Variants in KIFBP observed in about 807,000 individuals in gnomAD.
KIFBP encodes the protein KIF-binding protein.
In KIFBP, 46 loss-of-function variants were observed where a neutral mutation model predicts 58.9. The observed-to-expected ratio is 0.78, with a 90% confidence interval of 0.62 to 1.00. The LOEUF (loss-of-function observed/expected upper bound fraction) is 1.00, where lower values mean the gene tolerates loss of function less well. Among genes scored for constraint, KIFBP ranks in the 50% least tolerant of loss-of-function variants. The probability of loss-of-function intolerance (pLI) is 0.00; values close to 1 mark genes in which losing one functional copy is unlikely to be tolerated. For synonymous variants in KIFBP, 241 were observed against 283.4 expected (o/e 0.85, Z 1.50); for missense variants, 651 against 752.9 (o/e 0.86, Z 1.58).
At chr10:69,011,511 A>C (rs1431755136) in intron 6 of KIFBP, among the ~76,000 whole-genome samples, 2 of 148,860 alleles carry the variant, frequency 1.3e-5, no homozygotes, top group African/African-American at 5.0e-5. Flanking sequence ...CTCCCACCTC[A>C]TCCTTGGAGT....
chr10:68,994,253 T>C (rs1027254528), intron 1 of KIFBP, among the ~76,000 whole-genome samples: 1 of 152,064 alleles, frequency 6.6e-6, no homozygotes, highest in South Asian at 2.1e-4. Flanking sequence ...CACACACACA[T>C]ACTTACATTA....
At position 69,016,750 on chromosome 10, in the gene KIFBP, G is replaced by C; in HGVS notation, c.*334G>C. 1 of 222,326 alleles carries C rather than the reference G, an allele frequency of 4.5e-6. No homozygotes were observed. Among genetic ancestry groups the C allele is most frequent in the Non-Finnish European group, 8.9e-6 (1 of 112,152 alleles). The allele number at this position is 222,326 out of a possible 1,614,324, so 13.8% of individuals were successfully genotyped here. The stretch of plus-strand genomic sequence containing the variant: ...GATTCCTTGTAAGAAAAAATGCTGG[G>C]TAATGTACCTGGTAACAAGCCTGTT... On this transcript the variant is annotated 3_prime_UTR_variant, in exon 7 of 7. Transcript: ENST00000361983.
intron 6 of KIFBP, among the ~76,000 whole-genome samples, chr10:69,013,797 T>C (rs2262239): frequency 0.073 from 11,114 of 152,220 alleles, 441 homozygotes; most frequent in Middle Eastern, 0.14. Context: ...TCACCCGGGC[T>C]GGAGTGCAGT....
At position 69,000,040 on chromosome 10, in the gene KIFBP, G is replaced by A. The variant is rs372007222; in HGVS notation, c.427-384G>A. Reference sequence around the variant, plus strand: ...ATCCTGGGCGACAGAGCGAGACTCCGTCTCAAAAAAAAAAAAAAAAAAAAA... The same window carrying A: ...ATCCTGGGCGACAGAGCGAGACTCCATCTCAAAAAAAAAAAAAAAAAAAAA... On this transcript the variant is annotated intron_variant, in intron 1 of 6. Coordinates refer to ENST00000361983, the MANE Select transcript of KIFBP (RefSeq NM_015634.4). Among the ~76,000 whole-genome samples, 634 of 125,800 alleles carry A rather than the reference G, an allele frequency of 5.0e-3. 4 individuals are homozygous for A. The highest frequency in any genetic ancestry group is 0.018 in the African/African-American group (599 of 32,746). 82.5% of individuals were successfully genotyped at this position (125,800 alleles called of 152,430 possible).
At chr10:69,014,571 C>A (rs1351285892) in intron 6 of KIFBP, among the ~76,000 whole-genome samples, 2 of 152,092 alleles carry the variant, frequency 1.3e-5, no homozygotes, top group Non-Finnish European at 2.9e-5. Context: ...ATTTGGAAAC[C>A]TTGAAGGGTT....
chr10:68,989,715 A>G (rs1188309333), intron 1 of KIFBP: 2 of 182,960 alleles, frequency 1.1e-5, no homozygotes, highest in African/African-American at 4.8e-5. Flanking sequence ...TTTTTTTCTT[A>G]GAGATGGGGT....
At chr10:69,009,418 A>C (rs1165327034) in intron 5 of KIFBP, among the ~76,000 whole-genome samples, 1 of 152,150 alleles carries the variant, frequency 6.6e-6, no homozygotes, top group Admixed American at 6.6e-5. Flanking sequence ...TTGTTGCCAT[A>C]ATATTCCTTC....
chr10:69,005,798 T>A lies in KIFBP; in HGVS notation c.672T>A (p.Phe224Leu). Residue 224 changes from phenylalanine (F) to leucine (L), a missense_variant, in exon 4 of 7, where the codon TTT (phenylalanine) becomes TTA (leucine). Coordinates refer to ENST00000361983, the MANE Select transcript of KIFBP (RefSeq NM_015634.4). ...LAQVYQHLEM[F>L]EKAAHYCHST... ...AAGTCTACCAGCATCTGGAAATGTT[T>A]GAGAAGGCTGCTCACTATTGCCATA... 1 of 1,614,052 alleles carries A rather than the reference T, an allele frequency of 6.2e-7. No homozygotes were observed. The highest frequency in any genetic ancestry group is 8.5e-7 in the Non-Finnish European group (1 of 1,179,896).
chr10:69,011,395 C>CTTTTTTTTTTTTTTTTTTTTTTT (rs10700812), intron 6 of KIFBP: 1 of 129,470 alleles, frequency 7.7e-6, no homozygotes, highest in Non-Finnish European at 1.7e-5. Flanking sequence ...ATATCATATT[C>CTTTTTTTTTTTTTTTTTTTTTTT]TTTTTTTTTT....
chr10:69,000,339 A>G (rs1843452952), intron 1 of KIFBP, 85 bp from the exon 2 acceptor site: 5 of 872,076 alleles, frequency 5.7e-6, no homozygotes, highest in South Asian at 4.0e-5. Context: ...TTGGTTGGTT[A>G]TAAGTATTGA....
rs749414163 is a variant in KIFBP, at chr10:68,989,010, C to T, written c.178C>T (p.Arg60Trp). The change falls in exon 1 of 7, where the codon CGG becomes TGG. Residue 60 changes from arginine to tryptophan, a missense_variant. Transcript: ENST00000361983. ...LGPAPEDEDERPEAEDGPGAG... is the reference protein window; with the variant it reads ...LGPAPEDEDEWPEAEDGPGAG... ...CCCTGCGCCTGAGGACGAGGATGAG[C>T]GGCCTGAGGCCGAGGACGGCCCGGG... 1.3e-5 allele frequency: 21 copies of T among 1,614,144 alleles called. No individual in the cohort carries two copies. Among genetic ancestry groups the T allele is most frequent in the Non-Finnish European group, 1.8e-5 (21 of 1,180,018 alleles).
chr10:69,001,120 A>AT (rs750335112), intron 2 of KIFBP, among the ~76,000 whole-genome samples: 120 of 145,196 alleles, frequency 8.3e-4, no homozygotes, highest in Middle Eastern at 3.7e-3. Context: ...TTTTTCAATG[A>AT]TTTTTTTTTT....
chr10:69,003,294 C>T (rs540432108), intron 2 of KIFBP, among the ~76,000 whole-genome samples: 12 of 152,246 alleles, frequency 7.9e-5, no homozygotes, highest in Non-Finnish European at 1.5e-4. Context: ...AAGCAGCCCT[C>T]GGAATTGTTG....
At chr10:69,001,638 G>C (rs1196406450) in intron 2 of KIFBP, among the ~76,000 whole-genome samples, 1 of 151,952 alleles carries the variant, frequency 6.6e-6, no homozygotes, top group Non-Finnish European at 1.5e-5. Flanking sequence ...TGTAGTCCCA[G>C]CTACTCAGGA....
intron 6 of KIFBP, 62 bp from the exon 7 acceptor site, chr10:69,015,479 T>C (rs2132119480): frequency 6.6e-7 from 1 of 1,514,740 alleles, no homozygotes; most frequent in Non-Finnish European, 9.1e-7. Flanking sequence ...TTTGCTTTAA[T>C]ATTATTTAAC....
intron 6 of KIFBP, among the ~76,000 whole-genome samples, chr10:69,011,794 G>A (rs777379453): frequency 6.9e-6 from 1 of 145,330 alleles, no homozygotes; most frequent in African/African-American, 2.6e-5. Context: ...GGGTTCAAAG[G>A]ATTCTCCTGC....
rs199584187 is a variant in KIFBP, at chr10:69,011,392, A to T, written c.990+377A>T. 379 of 39,064 alleles carry T rather than the reference A, an allele frequency of 9.7e-3. 5 individuals carry two copies. The highest frequency in any genetic ancestry group is 0.039 in the African/African-American group (355 of 8,994). 2.4% of individuals were successfully genotyped at this position (39,064 alleles called of 1,614,324 possible). A position where few individuals can be genotyped will look rare whatever the true frequency, so the allele number is the denominator to read the frequency against. On this transcript the variant is annotated intron_variant, in intron 6 of 6. Transcript: ENST00000361983. ...TCTTGAGAGCTGGGAACGATATCAT[A>T]TTCTTTTTTTTTTTTTTTTTAGACA... is the stretch of plus-strand genomic sequence containing the variant.
At chr10:69,015,053 G>C (rs1378175813) in intron 6 of KIFBP, among the ~76,000 whole-genome samples, 1 of 152,124 alleles carries the variant, frequency 6.6e-6, no homozygotes, top group Non-Finnish European at 1.5e-5. Flanking sequence ...CTCTCAAGTA[G>C]CTGGGATTAC....
Position 69,016,051 on chromosome 10 carries a change from C to T in KIFBP, c.1501C>T (p.His501Tyr), listed in dbSNP as rs1426204282. Residue 501 changes from histidine to tyrosine, a missense_variant, in exon 7 of 7, where the codon CAC (histidine) becomes TAC (tyrosine). Physicochemically the swap from His to Tyr is moderately conservative, Grantham distance 83. Coordinates refer to ENST00000361983, the MANE Select transcript of KIFBP (RefSeq NM_015634.4). ...IADRLRDPDSHIVKKINNLNK... is the reference protein window; with the variant it reads ...IADRLRDPDSYIVKKINNLNK... Reference sequence around the variant, plus strand: ...TGACAGGCTAAGGGATCCTGATTCACACATTGTAAAAAAAATAAATAATCT... The same window carrying T: ...TGACAGGCTAAGGGATCCTGATTCATACATTGTAAAAAAAATAAATAATCT... The T allele has an allele frequency of 6.2e-7, 1 of 1,614,106 alleles. No individual in the cohort carries two copies. The highest frequency in any genetic ancestry group is 8.5e-7 in the Non-Finnish European group (1 of 1,180,010).
Sources: allele counts gnomAD v4.1 joint callset (sites outside exome capture counted in the v4.1 genomes callset), GRCh38; gene constraint gnomAD v4.1.1; transcripts MANE v1.5; gene names NCBI Gene and HGNC (gene_info 2026-07-23, HGNC 2026-07-21).